FAM114A2: variants seen among roughly 807,000 people sequenced by gnomAD.
The protein encoded by FAM114A2 is family with sequence similarity 114 member A2.
A neutral mutation model predicts 58.4 loss-of-function variants in FAM114A2; 53 were observed. That is an observed-to-expected ratio of 0.91 (90% CI 0.73 to 1.14). The LOEUF is 1.14. Among genes scored for constraint, FAM114A2 ranks in the 50% most tolerant of loss-of-function variants. The probability of loss-of-function intolerance (pLI) is 0.00; values close to 1 mark genes in which losing one functional copy is unlikely to be tolerated. For synonymous variants in FAM114A2, 228 were observed against 211.4 expected, an observed-to-expected ratio of 1.08 and a Z score of -0.68; for missense variants, 601 against 581.1, an observed-to-expected ratio of 1.03 and a Z score of -0.35.
chr5:154,016,956 C>G (rs1279594376), intron 8 of FAM114A2, among the ~76,000 whole-genome samples: 1 of 152,062 alleles, frequency 6.6e-6, no homozygotes, highest in Non-Finnish European at 1.5e-5. Context: ...CAAATGGACA[C>G]CAAAAGCAAT....
intron 4 of FAM114A2, among the ~76,000 whole-genome samples, chr5:154,030,266 G>A (rs1772090229): frequency 6.6e-6 from 1 of 152,094 alleles, no homozygotes; most frequent in Non-Finnish European, 1.5e-5. Flanking sequence ...ACATTACAAA[G>A]ATAGGTATGT....
chr5:154,025,219 T>G (rs1192700070), intron 8 of FAM114A2, among the ~76,000 whole-genome samples: 1 of 152,128 alleles, frequency 6.6e-6, no homozygotes, highest in Non-Finnish European at 1.5e-5. Flanking sequence ...AGATGCATAC[T>G]TAAAGGTAAA....
intron 8 of FAM114A2, among the ~76,000 whole-genome samples, chr5:154,015,187 C>T (rs1470093519): frequency 3.3e-5 from 5 of 152,122 alleles, no homozygotes; most frequent in African/African-American, 9.7e-5. Flanking sequence ...CCCTGCCCTT[C>T]CCACCCTGAT....
At chr5:154,022,318 CA>C (rs1478419989) in intron 8 of FAM114A2, among the ~76,000 whole-genome samples, 1 of 152,152 alleles carries the variant, frequency 6.6e-6, no homozygotes, top group African/African-American at 2.4e-5. Flanking sequence ...TTCTGCACAG[CA>C]AAAGAAACTA....
chr5:154,012,886 G>GA (rs990672769), intron 8 of FAM114A2, among the ~76,000 whole-genome samples: 7 of 151,296 alleles, frequency 4.6e-5, no homozygotes, highest in African/African-American at 1.5e-4. Context: ...TGGAGGGCAG[G>GA]AAAAAAAATG....
intron 8 of FAM114A2, among the ~76,000 whole-genome samples, chr5:154,013,912 T>C (rs547504789): frequency 1.3e-5 from 2 of 152,328 alleles, no homozygotes; most frequent in South Asian, 4.1e-4. Context: ...ACATATTAAA[T>C]ATAGTATTTC....
intron 7 of FAM114A2, among the ~76,000 whole-genome samples, 183 bp from the exon 8 acceptor site, chr5:154,026,705 C>T (rs745567623): frequency 1.3e-5 from 2 of 152,120 alleles, no homozygotes; most frequent in Non-Finnish European, 2.9e-5. Context: ...TAGGGAGACT[C>T]TGTGCTTCTA....
chr5:154,037,814 A>G (rs576900270), intron 1 of FAM114A2, among the ~76,000 whole-genome samples: 242 of 152,224 alleles, frequency 1.6e-3, no homozygotes, highest in African/African-American at 5.4e-3. Flanking sequence ...CAGCCTCCCA[A>G]AGTGCTAAAA....
At chr5:154,023,223 C>A (rs35221726) in intron 8 of FAM114A2, among the ~76,000 whole-genome samples, 18,419 of 152,146 alleles carry the variant, frequency 0.12, 1,270 homozygotes, top group African/African-American at 0.15. Context: ...CAACACGGCA[C>A]ATGTATACAT....
At position 154,002,889 on chromosome 5, in the gene FAM114A2, C is replaced by T. The variant is rs138546748; in HGVS notation, c.1074G>A (p.Ser358=). 256 of 1,613,962 alleles carry T rather than the reference C, an allele frequency of 1.6e-4. 3 individuals carry two copies. In the East Asian group the frequency reaches 5.0e-3, roughly 31 times the overall value. ...LAENEEGEKQ[S]EAENTEQVNK... is the part of the protein sequence containing the mutation. ...TGACTTGCTCAGTATTTTCTGCTTC[C>T]GACTGTTTTTCTCCTTCTTCATTCT... The change falls in exon 10 of 14, where the codon TCG becomes TCA. Residue 358 remains serine, a synonymous_variant. Coordinates refer to ENST00000351797, the MANE Select transcript of FAM114A2 (RefSeq NM_018691.4).
In FAM114A2 at chr5:154,011,269, A is replaced by T; in HGVS notation, c.965T>A (p.Val322Asp). The change falls in exon 9 of 14, where the codon GTT (valine) becomes GAT (aspartate). Residue 322 changes from valine to aspartate, a missense_variant. Coordinates refer to ENST00000351797, the MANE Select transcript of FAM114A2 (RefSeq NM_018691.4). ...GGCAAGTTTCTCTGGTTTGGAGGAA[A>T]CGTGCAGCTGGGAAAACAGCTCTGT... is the stretch of plus-strand genomic sequence containing the variant. Reference protein sequence around the residue: ...DITELFSQLHVSSKPEKLARA... With the variant: ...DITELFSQLHDSSKPEKLARA... 3 of 1,612,556 alleles carry T rather than the reference A, an allele frequency of 1.9e-6. No individual in the cohort carries two copies. Among genetic ancestry groups the T allele is most frequent in the Non-Finnish European group, 2.5e-6 (3 of 1,179,146 alleles).
intron 11 of FAM114A2, among the ~76,000 whole-genome samples, chr5:153,998,917 G>T (rs1581763624): frequency 6.6e-6 from 1 of 152,164 alleles, no homozygotes; most frequent in African/African-American, 2.4e-5. Flanking sequence ...AAAGGTAAAA[G>T]ATCTTCACTT....
chr5:154,004,306 G>C (rs1770207272), intron 9 of FAM114A2, among the ~76,000 whole-genome samples: 1 of 151,756 alleles, frequency 6.6e-6, no homozygotes, highest in Admixed American at 6.6e-5. Context: ...TTTATATATT[G>C]ATCCTAACTG....
At position 154,007,900 on chromosome 5, in the gene FAM114A2, T is replaced by C. The variant is rs1336652342; in HGVS notation, c.993+3341A>G. Among the ~76,000 whole-genome samples, 5 of 151,790 alleles carry C rather than the reference T, an allele frequency of 3.3e-5. No homozygotes were observed. In the East Asian group the frequency reaches 5.8e-4, roughly 18 times the overall value. ...ACATTATTACAACTCACCTCACAGA[T>C]AGAAAAAAATGAGGCTCACAGAGGT... On this transcript the variant is annotated intron_variant, in intron 9 of 13. Coordinates refer to ENST00000351797, the MANE Select transcript of FAM114A2 (RefSeq NM_018691.4).
intron 6 of FAM114A2, among the ~76,000 whole-genome samples, chr5:154,027,729 G>A (rs1318368795): frequency 6.6e-6 from 1 of 152,112 alleles, no homozygotes; most frequent in African/African-American, 2.4e-5. Flanking sequence ...TTGTACTCCT[G>A]ACCTCAACTG....
intron 12 of FAM114A2, among the ~76,000 whole-genome samples, chr5:153,995,519 C>T (rs1769497681): frequency 6.6e-6 from 1 of 151,962 alleles, no homozygotes; most frequent in South Asian, 2.1e-4. Context: ...AAAAGATTAT[C>T]CTTTACAGGA....
chr5:154,033,728 A>G, intron 4 of FAM114A2, 63 bp downstream of exon 4: 3 of 975,004 alleles, frequency 3.1e-6, no homozygotes, highest in Middle Eastern at 2.1e-4. Context: ...ACCTACTGAA[A>G]AATTAGTTCA....
intron 10 of FAM114A2, 126 bp downstream of exon 10, chr5:154,002,721 G>T: frequency 5.3e-6 from 5 of 948,816 alleles, no homozygotes; most frequent in Non-Finnish European, 8.0e-6. Context: ...GATCTAAGAT[G>T]CTACAATCCT....
chr5:154,016,993 A>T (rs548236205), intron 8 of FAM114A2, among the ~76,000 whole-genome samples: 1 of 152,250 alleles, frequency 6.6e-6, no homozygotes, highest in African/African-American at 2.4e-5. Flanking sequence ...TGTATCAGAC[A>T]AAACAAACTT....
Sources: allele counts gnomAD v4.1 joint callset (sites outside exome capture counted in the v4.1 genomes callset), GRCh38; gene constraint gnomAD v4.1.1; transcripts MANE v1.5; gene names NCBI Gene and HGNC (gene_info 2026-07-23, HGNC 2026-07-21).